ZNF609: variants seen among roughly 807,000 people sequenced by gnomAD.
ZNF609 encodes zinc finger protein 609.
ZNF609 carries 11 observed loss-of-function variants against 109.5 expected under a neutral mutation model. The ratio of observed to expected loss-of-function variants is 0.10; its 90% CI spans 0.06 to 0.17. The LOEUF is 0.17. ZNF609 is among the 10% of genes least tolerant of loss of function. The probability of loss-of-function intolerance (pLI) is 1.00; values close to 1 mark genes in which losing one functional copy is unlikely to be tolerated. For synonymous variants in ZNF609, 646 were observed against 662.0 expected (o/e 0.98, Z 0.37); for missense variants, 1,559 against 1,772.4 (o/e 0.88, Z 2.16).
chr15:64,534,561 C>T (rs1441143619), intron 2 of ZNF609, among the ~76,000 whole-genome samples: 1 of 152,018 alleles, frequency 6.6e-6, no homozygotes, highest in Non-Finnish European at 1.5e-5. Context: ...GTGATCTGCC[C>T]ACCTTGGCCT....
intron 2 of ZNF609, among the ~76,000 whole-genome samples, chr15:64,597,391 AC>A (rs1196226106): frequency 6.6e-6 from 1 of 152,080 alleles, no homozygotes; most frequent in African/African-American, 2.4e-5. Context: ...TTGGAAACAG[AC>A]CTAATCTTTC....
intron 2 of ZNF609, among the ~76,000 whole-genome samples, chr15:64,619,219 C>G (rs1036369690): frequency 6.6e-6 from 1 of 152,178 alleles, no homozygotes. Context: ...TGGCTGGTCT[C>G]AAACTCCTGG....
At chr15:64,570,147 A>G (rs987456366) in intron 2 of ZNF609, among the ~76,000 whole-genome samples, 4 of 152,220 alleles carry the variant, frequency 2.6e-5, no homozygotes, top group African/African-American at 9.6e-5. Flanking sequence ...GGCGTGAGCC[A>G]CTGTGCCTGA....
At chr15:64,641,399 TAG>T (rs145064035) in intron 3 of ZNF609, among the ~76,000 whole-genome samples, 4,728 of 151,602 alleles carry the variant, frequency 0.031, 109 homozygotes, top group South Asian at 0.08. Context: ...GTATTTTTAG[TAG>T]AGATGGGGTT....
intron 2 of ZNF609, among the ~76,000 whole-genome samples, chr15:64,539,934 G>A (rs1894222694): frequency 6.6e-6 from 1 of 152,160 alleles, no homozygotes; most frequent in Non-Finnish European, 1.5e-5. Flanking sequence ...ACTGCGCCCA[G>A]CCTTTTTTCC....
At chr15:64,490,215 A>G (rs949284579) in intron 1 of ZNF609, among the ~76,000 whole-genome samples, 5 of 150,494 alleles carry the variant, frequency 3.3e-5, no homozygotes, top group Non-Finnish European at 5.9e-5. Flanking sequence ...CTCCCGCCTC[A>G]GTCTCCCAAA....
intron 2 of ZNF609, among the ~76,000 whole-genome samples, chr15:64,514,168 T>C (rs1200490781): frequency 6.6e-6 from 1 of 152,056 alleles, no homozygotes; most frequent in Non-Finnish European, 1.5e-5. Flanking sequence ...GCAGAACAGC[T>C]GTGAGGCCCA....
chr15:64,526,795 A>G (rs1309505559), intron 2 of ZNF609, among the ~76,000 whole-genome samples: 3 of 152,018 alleles, frequency 2.0e-5, no homozygotes, highest in Admixed American at 2.0e-4. Flanking sequence ...ATGCCACCAC[A>G]TGTGGCTATT....
At chr15:64,543,307 G>C (rs1348804822) in intron 2 of ZNF609, among the ~76,000 whole-genome samples, 1 of 126,666 alleles carries the variant, frequency 7.9e-6, no homozygotes, top group Non-Finnish European at 1.6e-5. Flanking sequence ...CTTTATTTCA[G>C]CCATACCAAA....
chr15:64,577,057 C>CACAAAT (rs1567019119), intron 2 of ZNF609, among the ~76,000 whole-genome samples: 1 of 35,854 alleles, frequency 2.8e-5, no homozygotes, highest in South Asian at 6.0e-4. Flanking sequence ...TAAATATATA[C>CACAAAT]ATATATGTAT....
chr15:64,616,812 CTT>C (rs56338576), intron 2 of ZNF609, among the ~76,000 whole-genome samples: 4 of 32,832 alleles, frequency 1.2e-4, no homozygotes, highest in African/African-American at 2.9e-4. Flanking sequence ...AGCCACCATG[CTT>C]TTTTTTTTTT....
chr15:64,659,354 C>A (rs1462545113), intron 3 of ZNF609, among the ~76,000 whole-genome samples: 1 of 152,112 alleles, frequency 6.6e-6, no homozygotes, highest in African/African-American at 2.4e-5. Context: ...AATTTTTCCC[C>A]ATGGACTTTG....
intron 4 of ZNF609, among the ~76,000 whole-genome samples, chr15:64,672,989 G>A (rs1440979210): frequency 6.6e-6 from 1 of 150,946 alleles, no homozygotes; most frequent in Non-Finnish European, 1.5e-5. Flanking sequence ...AGAATCAGAA[G>A]CATATGAGCT....
chr15:64,543,255 C>CTTTTTTTT (rs77646116), intron 2 of ZNF609, among the ~76,000 whole-genome samples: 12 of 113,290 alleles, frequency 1.1e-4, no homozygotes, highest in East Asian at 2.5e-4. Context: ...TTTGTTGTTG[C>CTTTTTTTT]TTTTTTTTTT....
At chr15:64,651,996 A>C (rs907553045) in intron 3 of ZNF609, among the ~76,000 whole-genome samples, 26 of 152,158 alleles carry the variant, frequency 1.7e-4, no homozygotes, top group Non-Finnish European at 3.4e-4. Context: ...AAAAAAAAAA[A>C]ACTTAAGACA....
At chr15:64,665,058 G>T (rs965326422) in intron 3 of ZNF609, among the ~76,000 whole-genome samples, 1 of 152,204 alleles carries the variant, frequency 6.6e-6, no homozygotes, top group Admixed American at 6.5e-5. Flanking sequence ...TTTTGGGGGA[G>T]ACATCCATTT....
intron 2 of ZNF609, among the ~76,000 whole-genome samples, chr15:64,532,700 G>A (rs771700228): frequency 1.3e-5 from 2 of 152,190 alleles, no homozygotes; most frequent in African/African-American, 4.8e-5. Context: ...GCTTCACAGC[G>A]AGATGACTGT....
chr15:64,600,770 T>G (rs1895485560), intron 2 of ZNF609, among the ~76,000 whole-genome samples: 1 of 152,120 alleles, frequency 6.6e-6, no homozygotes, highest in South Asian at 2.1e-4. Flanking sequence ...TTTTATAAGC[T>G]CTATATGTTA....
intron 1 of ZNF609, among the ~76,000 whole-genome samples, chr15:64,461,087 T>C (rs1380933754): frequency 1.3e-5 from 2 of 148,190 alleles, no homozygotes; most frequent in African/African-American, 5.0e-5. Context: ...CGGTTCAGGC[T>C]GAGGGTAGGG....
Sources: gnomAD v4.1 joint callset for allele counts (sites outside exome capture counted in the v4.1 genomes callset) on GRCh38, gnomAD v4.1.1 for gene constraint, MANE v1.5 for transcripts, NCBI Gene and HGNC (gene_info 2026-07-23, HGNC 2026-07-21) for gene names.